Variants in FSTL5 observed in about 807,000 individuals in gnomAD.
FSTL5 encodes the protein follistatin-related protein 5.
FSTL5 carries 62 observed loss-of-function variants against 89.1 expected under a neutral mutation model. The observed-to-expected ratio is 0.70, with a 90% confidence interval of 0.57 to 0.86. FSTL5 has a LOEUF of 0.86. Among genes scored for constraint, FSTL5 ranks in the 40% least tolerant of loss-of-function variants. The pLI, the probability that FSTL5 is intolerant of heterozygous loss-of-function variation, is 0.00. For synonymous variants in FSTL5, 383 were observed against 346.2 expected (o/e 1.11, Z -1.18); for missense variants, 1,057 against 1,001.6 (o/e 1.06, Z -0.75).
chr4:162,061,009 T>C (rs2111281538), intron 2 of FSTL5, among the ~76,000 whole-genome samples: 1 of 152,252 alleles, frequency 6.6e-6, no homozygotes, highest in East Asian at 1.9e-4. Context: ...TATTTTTACC[T>C]ATGATTTATT....
At chr4:161,389,206 A>G (rs1730742046) in intron 15 of FSTL5, among the ~76,000 whole-genome samples, 1 of 152,150 alleles carries the variant, frequency 6.6e-6, no homozygotes, top group African/African-American at 2.4e-5. Flanking sequence ...CCTGCTTAGT[A>G]TAATAAAATC....
chr4:162,158,584 T>C (rs1007083110), intron 1 of FSTL5, among the ~76,000 whole-genome samples: 2 of 151,988 alleles, frequency 1.3e-5, no homozygotes, highest in Admixed American at 1.3e-4. Context: ...TAAATAGAGG[T>C]ACTAGACATG....
intron 3 of FSTL5, among the ~76,000 whole-genome samples, chr4:161,949,130 G>A (rs184171901): frequency 1.5e-4 from 23 of 152,114 alleles, no homozygotes; most frequent in Admixed American, 1.2e-3. Context: ...GCATTCCTTC[G>A]CGTGTGGTTC....
At chr4:161,411,774 A>G (rs1366819628) in intron 15 of FSTL5, among the ~76,000 whole-genome samples, 1 of 152,200 alleles carries the variant, frequency 6.6e-6, no homozygotes, top group Non-Finnish European at 1.5e-5. Flanking sequence ...GAGAACTGGA[A>G]GAAGACAAGA....
intron 3 of FSTL5, among the ~76,000 whole-genome samples, chr4:161,933,366 A>T (rs1372269343): frequency 6.6e-6 from 1 of 152,072 alleles, no homozygotes; most frequent in Non-Finnish European, 1.5e-5. Context: ...TGTGTTATAA[A>T]AGTCTCTACA....
At chr4:161,610,515 G>A (rs1276879914) in intron 7 of FSTL5, among the ~76,000 whole-genome samples, 1 of 152,070 alleles carries the variant, frequency 6.6e-6, no homozygotes, top group South Asian at 2.1e-4. Flanking sequence ...AGAAACCTGT[G>A]GTGATTGCAT....
At chr4:161,640,271 A>G (rs1448006319) in intron 7 of FSTL5, among the ~76,000 whole-genome samples, 3 of 152,176 alleles carry the variant, frequency 2.0e-5, no homozygotes, top group African/African-American at 7.2e-5. Flanking sequence ...TAACATGTAT[A>G]TGAAGAAATG....
intron 3 of FSTL5, among the ~76,000 whole-genome samples, chr4:161,961,888 AAAG>A (rs1461943431): frequency 6.6e-6 from 1 of 151,660 alleles, no homozygotes; most frequent in African/African-American, 2.4e-5. Context: ...AAACAATTAG[AAAG>A]AAGATATTGA....
At chr4:161,955,806 T>A (rs1366325832) in intron 3 of FSTL5, among the ~76,000 whole-genome samples, 1 of 151,848 alleles carries the variant, frequency 6.6e-6, no homozygotes, top group African/African-American at 2.4e-5. Context: ...GTTTAATTAA[T>A]AATAACTAAT....
chr4:162,045,572 T>C (rs1738139517), intron 2 of FSTL5, among the ~76,000 whole-genome samples: 1 of 152,092 alleles, frequency 6.6e-6, no homozygotes, highest in Non-Finnish European at 1.5e-5. Context: ...ATAATAATAA[T>C]GAAAAAGTTC....
intron 6 of FSTL5, among the ~76,000 whole-genome samples, chr4:161,732,439 T>G (rs1035113059): frequency 2.6e-5 from 4 of 152,040 alleles, no homozygotes; most frequent in African/African-American, 9.7e-5. Flanking sequence ...GTTCTCATTC[T>G]ATGGGGGACC....
At chr4:161,914,319 A>G (rs973518877) in intron 4 of FSTL5, among the ~76,000 whole-genome samples, 1 of 152,210 alleles carries the variant, frequency 6.6e-6, no homozygotes, top group African/African-American at 2.4e-5. Flanking sequence ...GAAAATGTAT[A>G]AAAACAAGAT....
At chr4:161,814,843 T>C (rs1338889079) in intron 4 of FSTL5, among the ~76,000 whole-genome samples, 2 of 152,146 alleles carry the variant, frequency 1.3e-5, no homozygotes, top group African/African-American at 2.4e-5. Context: ...TGAGATAGTA[T>C]GTTCCTAACA....
intron 2 of FSTL5, among the ~76,000 whole-genome samples, chr4:162,048,774 C>T (rs1036108421): frequency 3.3e-5 from 5 of 152,044 alleles, no homozygotes; most frequent in Non-Finnish European, 7.4e-5. Context: ...GAGCTGTTGG[C>T]TTATGGTAAT....
chr4:162,130,016 G>C (rs1038428594), intron 1 of FSTL5, among the ~76,000 whole-genome samples: 1 of 152,138 alleles, frequency 6.6e-6, no homozygotes, highest in African/African-American at 2.4e-5. Context: ...GAATTCTAAA[G>C]AGCCTAGAGG....
intron 7 of FSTL5, among the ~76,000 whole-genome samples, chr4:161,640,732 G>A (rs749905240): frequency 3.0e-5 from 4 of 133,720 alleles, no homozygotes; most frequent in Non-Finnish European, 5.9e-5. Flanking sequence ...AAGAAGCAGA[G>A]AAAATATTTG....
intron 12 of FSTL5, among the ~76,000 whole-genome samples, chr4:161,492,217 T>C (rs113288986): frequency 0.032 from 4,796 of 152,222 alleles, 250 homozygotes; most frequent in African/African-American, 0.1. Flanking sequence ...GTATCTGTTA[T>C]GTTATAATTT....
At chr4:161,475,815 T>C (rs1734115571) in intron 13 of FSTL5, among the ~76,000 whole-genome samples, 2 of 152,064 alleles carry the variant, frequency 1.3e-5, no homozygotes, top group Admixed American at 6.5e-5. Context: ...AGTGGCGCAA[T>C]CTCAGCTCAC....
intron 4 of FSTL5, among the ~76,000 whole-genome samples, chr4:161,826,659 T>C (rs1730679359): frequency 6.6e-6 from 1 of 152,190 alleles, no homozygotes. Flanking sequence ...TCTTTGTGTT[T>C]TTTATGGCTG....
Sources: gnomAD v4.1 joint callset for allele counts (sites outside exome capture counted in the v4.1 genomes callset) on GRCh38, gnomAD v4.1.1 for gene constraint, MANE v1.5 for transcripts, NCBI Gene and HGNC (gene_info 2026-07-23, HGNC 2026-07-21) for gene names.